The following C2orf76 variants were observed in gnomAD, a reference collection of about 807,000 sequenced individuals.
C2orf76 encodes UPF0538 protein C2orf76.
Under a neutral mutation model 16.9 loss-of-function variants are expected in C2orf76, and 23 were observed. The ratio of observed to expected loss-of-function variants is 1.36; its 90% CI spans 0.98 to 1.93. The LOEUF (loss-of-function observed/expected upper bound fraction) is 1.93. Ranked by LOEUF, C2orf76 falls within the 30% of genes most tolerant of loss-of-function variation. C2orf76 has a pLI of 0.00. For missense variants in C2orf76, 152 were observed against 152.6 expected (o/e 1.00, Z 0.02); for synonymous variants, 48 against 52.3 (o/e 0.92, Z 0.35).
intron 1 of C2orf76, among the ~76,000 whole-genome samples, chr2:119,366,094 C>T (rs755978083): frequency 1.6e-4 from 25 of 152,030 alleles, no homozygotes; most frequent in Non-Finnish European, 2.9e-4. Context: ...CCATTTAAAA[C>T]TATAAACTTC....
At chr2:119,341,000 G>A (rs553747053) in intron 1 of C2orf76, among the ~76,000 whole-genome samples, 20 of 151,690 alleles carry the variant, frequency 1.3e-4, no homozygotes, top group Admixed American at 3.9e-4. Context: ...AAACACATCA[G>A]AAGCCCCATG....
At chr2:119,297,263 A>G (rs1678555280), downstream of C2orf76, among the ~76,000 whole-genome samples, 1 of 152,234 alleles carries the variant, frequency 6.6e-6, no homozygotes, top group African/African-American at 2.4e-5. Context: ...ATGAGATAAT[A>G]TAAAATACAT....
At chr2:119,288,545 GGA>G in the C2orf76 span, among the ~76,000 whole-genome samples, 2 of 151,968 alleles carry the variant, frequency 1.3e-5, no homozygotes, top group Admixed American at 6.6e-5. Flanking sequence ...GGGAGTAAGG[GGA>G]TAATACAAAC....
intron 1 of C2orf76, chr2:119,340,396 A>G (rs138231336): frequency 1.3e-3 from 197 of 156,772 alleles, no homozygotes; most frequent in Middle Eastern, 0.01. Context: ...AGAATCAACT[A>G]TCAACAGACA....
chr2:119,282,118 C>A, the C2orf76 span, among the ~76,000 whole-genome samples: 4 of 151,636 alleles, frequency 2.6e-5, no homozygotes, highest in African/African-American at 9.7e-5. Context: ...TGCACTCCAG[C>A]CTGGGCAACA....
chr2:119,346,652 GT>G (rs1259575615), intron 1 of C2orf76, among the ~76,000 whole-genome samples: 1 of 152,086 alleles, frequency 6.6e-6, no homozygotes, highest in Non-Finnish European at 1.5e-5. Context: ...GGGGAAAGAG[GT>G]GTCATGTCTG....
chr2:119,321,857 T>C (rs958751290), intron 2 of C2orf76, among the ~76,000 whole-genome samples: 58 of 151,626 alleles, frequency 3.8e-4, no homozygotes, highest in Admixed American at 6.6e-4. Context: ...GTGAGACATA[T>C]ATATATATAT....
intron 5 of C2orf76, 83 bp from the exon 6 acceptor site, chr2:119,302,631 T>C: frequency 1.3e-6 from 1 of 778,240 alleles, no homozygotes; most frequent in Non-Finnish European, 1.9e-6. Context: ...ATGACTTTGA[T>C]TCGGTATTTC....
chr2:119,366,558 G>C (rs1160579611), intron 1 of C2orf76: 2 of 465,308 alleles, frequency 4.3e-6, no homozygotes, highest in Admixed American at 2.4e-5. Flanking sequence ...GGAGGAGCGG[G>C]TCCCGCCCGC....
chr2:119,349,326 G>A (rs1310153427), intron 1 of C2orf76, among the ~76,000 whole-genome samples: 1 of 152,188 alleles, frequency 6.6e-6, no homozygotes, highest in Non-Finnish European at 1.5e-5. Flanking sequence ...TAAGAAGGAA[G>A]AGACAACAGA....
chr2:119,346,488 A>C (rs1013431236), intron 1 of C2orf76, among the ~76,000 whole-genome samples: 6 of 152,230 alleles, frequency 3.9e-5, no homozygotes, highest in Admixed American at 1.3e-4. Flanking sequence ...TACAGGCAAC[A>C]ATCAGGGTGA....
rs182300548 is a variant in C2orf76, at chr2:119,329,362, G to A, written c.134-8158C>T. On this transcript the variant is annotated intron_variant, in intron 2 of 5. Transcript: ENST00000334816. ...CTTTTCTTTGGATTCATATCAGCAT[G>A]GTATAACTTTCTCATCCTTCTATTC... Among the ~76,000 whole-genome samples, 4 of 152,130 alleles carry A rather than the reference G, an allele frequency of 2.6e-5. No homozygotes were observed. In the East Asian group the frequency reaches 7.7e-4, roughly 29 times the overall value.
chr2:119,305,024 T>A (rs1573616292), intron 5 of C2orf76, among the ~76,000 whole-genome samples: 1 of 152,326 alleles, frequency 6.6e-6, no homozygotes, highest in East Asian at 1.9e-4. Flanking sequence ...GGCACCTGAT[T>A]TTAAATTAAA....
intron 4 of C2orf76, among the ~76,000 whole-genome samples, chr2:119,316,193 C>G (rs11686746): frequency 0.31 from 47,503 of 152,080 alleles, 7,867 homozygotes; most frequent in Non-Finnish European, 0.38. Flanking sequence ...TGAAAACATT[C>G]CTGTCCCAGA....
the C2orf76 span, among the ~76,000 whole-genome samples, chr2:119,282,577 G>A: frequency 6.6e-5 from 10 of 152,154 alleles, no homozygotes; most frequent in South Asian, 2.1e-4. Context: ...CAAGCCTCCC[G>A]TCCAGCATGG....
intron 1 of C2orf76, among the ~76,000 whole-genome samples, chr2:119,350,555 C>A (rs923035880): frequency 1.3e-5 from 2 of 152,190 alleles, no homozygotes; most frequent in African/African-American, 4.8e-5. Flanking sequence ...GCATGGAAGT[C>A]CCAGTTCGAT....
intron 1 of C2orf76, among the ~76,000 whole-genome samples, chr2:119,347,771 A>G (rs1408565996): frequency 6.6e-6 from 1 of 152,146 alleles, no homozygotes; most frequent in Non-Finnish European, 1.5e-5. Flanking sequence ...TTATCTTGAA[A>G]TAATTGTAGA....
chr2:119,333,048 A>G (rs1377002449), intron 2 of C2orf76, among the ~76,000 whole-genome samples: 1 of 152,232 alleles, frequency 6.6e-6, no homozygotes, highest in Non-Finnish European at 1.5e-5. Context: ...TATTTTGTGT[A>G]TTAAAATTAT....
intron 1 of C2orf76, among the ~76,000 whole-genome samples, chr2:119,363,236 A>T (rs1680801721): frequency 6.6e-6 from 1 of 152,092 alleles, no homozygotes; most frequent in African/African-American, 2.4e-5. Flanking sequence ...CAACCTGGCT[A>T]ACACAGTGAA....
Sources: gnomAD v4.1 joint callset for allele counts (sites outside exome capture counted in the v4.1 genomes callset) on GRCh38, gnomAD v4.1.1 for gene constraint, MANE v1.5 for transcripts, NCBI Gene and HGNC (gene_info 2026-07-23, HGNC 2026-07-21) for gene names.